The following ITGB3BP variants were observed in gnomAD, a reference collection of about 807,000 sequenced individuals.
ITGB3BP encodes integrin subunit beta 3 binding protein.
In ITGB3BP, 27 loss-of-function variants were observed where a neutral mutation model predicts 29.1. The observed-to-expected ratio is 0.93, with a 90% CI of 0.68 to 1.28. The LOEUF (loss-of-function observed/expected upper bound fraction) is 1.28, where lower values mean the gene tolerates loss of function less well. Among genes scored for constraint, ITGB3BP ranks in the 50% most tolerant of loss-of-function variants. The pLI is 0.00. For missense variants in ITGB3BP, 192 were observed against 200.2 expected (o/e 0.96, Z 0.25); for synonymous variants, 61 against 61.4 (o/e 0.99, Z 0.03).
intron 3 of ITGB3BP, among the ~76,000 whole-genome samples, chr1:63,479,289 A>G (rs1645397080): frequency 6.6e-6 from 1 of 152,178 alleles, no homozygotes; most frequent in South Asian, 2.1e-4. Context: ...ATATCATTGT[A>G]AAATAAATTT....
chr1:63,473,353 T>G (rs953111981), intron 4 of ITGB3BP, among the ~76,000 whole-genome samples: 4 of 127,968 alleles, frequency 3.1e-5, no homozygotes, highest in Non-Finnish European at 3.3e-5. Context: ...TGGCGGGGGG[T>G]CAGCCCCCCG....
chr1:63,504,494 A>G (rs1294634234), intron 2 of ITGB3BP, among the ~76,000 whole-genome samples: 1 of 151,972 alleles, frequency 6.6e-6, no homozygotes, highest in Non-Finnish European at 1.5e-5. Flanking sequence ...CTAACTGAAT[A>G]CCCTTTATTT....
chr1:63,510,778 G>A (rs1006819312), intron 1 of ITGB3BP, among the ~76,000 whole-genome samples: 2 of 152,058 alleles, frequency 1.3e-5, no homozygotes, highest in African/African-American at 2.4e-5. Flanking sequence ...AATTAAAGAA[G>A]GGAAGAGAAG....
intron 8 of ITGB3BP, among the ~76,000 whole-genome samples, chr1:63,441,388 C>G (rs1160466558): frequency 2.6e-5 from 4 of 152,108 alleles, no homozygotes; most frequent in Non-Finnish European, 5.9e-5. Context: ...CAGGTGTGTG[C>G]CACCACACCC....
intron 4 of ITGB3BP, among the ~76,000 whole-genome samples, chr1:63,466,617 C>T (rs948152097): frequency 1.3e-5 from 2 of 152,162 alleles, no homozygotes; most frequent in African/African-American, 4.8e-5. Flanking sequence ...CAAACACTGA[C>T]ATATAATTCC....
chr1:63,452,355 T>C (rs1342064488), intron 7 of ITGB3BP, among the ~76,000 whole-genome samples: 2 of 152,288 alleles, frequency 1.3e-5, no homozygotes, highest in South Asian at 4.1e-4. Flanking sequence ...AATCACACTA[T>C]TGGTGTAGAA....
At chr1:63,455,077 A>C (rs1644913917) in intron 4 of ITGB3BP, 109 bp from the exon 5 acceptor site, 1 of 602,226 alleles carries the variant, frequency 1.7e-6, no homozygotes, top group East Asian at 2.8e-5. Flanking sequence ...AGGTTCTTTC[A>C]TTCTTTACAA....
At chr1:63,521,478 T>G (rs1646443380) in intron 1 of ITGB3BP, among the ~76,000 whole-genome samples, 6 of 152,154 alleles carry the variant, frequency 3.9e-5, no homozygotes, top group Admixed American at 3.9e-4. Context: ...CAGAATATAC[T>G]TATCTAAAAG....
intron 8 of ITGB3BP, chr1:63,442,501 C>G (rs79286520): frequency 2.0e-5 from 3 of 152,188 alleles, no homozygotes; most frequent in Admixed American, 6.5e-5. Flanking sequence ...AACAGTCACA[C>G]GGACTTGGGG....
intron 4 of ITGB3BP, among the ~76,000 whole-genome samples, chr1:63,469,616 A>G (rs925683904): frequency 6.6e-6 from 1 of 152,194 alleles, no homozygotes; most frequent in African/African-American, 2.4e-5. Flanking sequence ...GTGACCCACC[A>G]TGCCTGACCC....
intron 7 of ITGB3BP, among the ~76,000 whole-genome samples, chr1:63,448,248 G>A (rs1278862273): frequency 2.7e-5 from 4 of 149,126 alleles, no homozygotes; most frequent in African/African-American, 9.9e-5. Context: ...GTTAATGGGT[G>A]CAGCACACCA....
At chr1:63,523,085 C>A (rs543663465) in intron 1 of ITGB3BP, 44 bp downstream of exon 1, 1 of 1,612,226 alleles carries the variant, frequency 6.2e-7, no homozygotes, top group East Asian at 2.2e-5. Flanking sequence ...TCTCTTCTTG[C>A]AGAGGGCCCC....
intron 1 of ITGB3BP, among the ~76,000 whole-genome samples, chr1:63,514,944 C>CAAAAAAAAA (rs55738892): frequency 2.6e-5 from 3 of 117,102 alleles, no homozygotes; most frequent in African/African-American, 9.6e-5. Context: ...GACTCTGTCT[C>CAAAAAAAAA]AAAAAAAAAA....
At chr1:63,523,658 G>A (rs17125095), upstream of ITGB3BP, 3,412 of 178,672 alleles carry the variant, frequency 0.019, 129 homozygotes, top group African/African-American at 0.076. Context: ...CGCTGTCTCT[G>A]TCTCTTCGCT....
At chr1:63,474,910 T>G (rs1304570356) in intron 4 of ITGB3BP, among the ~76,000 whole-genome samples, 1 of 15,838 alleles carries the variant, frequency 6.3e-5, no homozygotes, top group East Asian at 0.031. Context: ...AATAAATAAA[T>G]AAAATAAAAA....
At chr1:63,526,866 G>A (rs1317620224), upstream of ITGB3BP, among the ~76,000 whole-genome samples, 1 of 152,108 alleles carries the variant, frequency 6.6e-6, no homozygotes, top group Non-Finnish European at 1.5e-5. Context: ...CTGGGTTCCA[G>A]CGATTCTCCT....
At chr1:63,482,900 C>T (rs1464115898) in intron 3 of ITGB3BP, among the ~76,000 whole-genome samples, 3 of 152,020 alleles carry the variant, frequency 2.0e-5, no homozygotes, top group East Asian at 1.9e-4. Context: ...GTGATCTGCC[C>T]GCCTCAGCCC....
intron 4 of ITGB3BP, among the ~76,000 whole-genome samples, chr1:63,460,075 T>C (rs1477628853): frequency 6.6e-6 from 1 of 152,138 alleles, no homozygotes; most frequent in Non-Finnish European, 1.5e-5. Flanking sequence ...TTTTACAGGC[T>C]GTCTCAAGGA....
intron 3 of ITGB3BP, among the ~76,000 whole-genome samples, chr1:63,483,635 T>C (rs1048286361): frequency 6.6e-6 from 1 of 152,234 alleles, no homozygotes. Flanking sequence ...TCATTCTGAG[T>C]TGAATGCTTG....
Sources: allele counts gnomAD v4.1 joint callset (sites outside exome capture counted in the v4.1 genomes callset), GRCh38; gene constraint gnomAD v4.1.1; transcripts MANE v1.5; gene names NCBI Gene and HGNC (gene_info 2026-07-23, HGNC 2026-07-21).